Variants in RNF130 observed in about 807,000 individuals in gnomAD.
RNF130 encodes the protein ring finger protein 130, also known as E3 ubiquitin-protein ligase RNF130.
A neutral mutation model predicts 44.6 loss-of-function variants in RNF130; 21 were observed. The ratio of observed to expected loss-of-function variants is 0.47; its 90% CI spans 0.33 to 0.68. The LOEUF (loss-of-function observed/expected upper bound fraction) is 0.68, where lower values mean the gene tolerates loss of function less well. Among genes scored for constraint, RNF130 ranks in the 30% least tolerant of loss-of-function variants. The pLI, the probability that RNF130 is intolerant of heterozygous loss-of-function variation, is 0.02. For missense variants in RNF130, 479 were observed against 560.6 expected (o/e 0.85, Z 1.47); for synonymous variants, 214 against 210.4 (o/e 1.02, Z -0.15).
chr5:179,958,518 G>A (rs1447366698), intron 8 of RNF130, among the ~76,000 whole-genome samples: 1 of 152,150 alleles, frequency 6.6e-6, no homozygotes, highest in Non-Finnish European at 1.5e-5. Flanking sequence ...CAATTCAAGA[G>A]GGACCCTCAG....
At position 179,955,408 on chromosome 5, in the gene RNF130, C is replaced by A. The variant is rs549610547; in HGVS notation, c.*246G>T. The A allele has an allele frequency of 7.3e-6, 3 of 412,108 alleles. No individual in the cohort carries two copies. Among genetic ancestry groups the A allele is most frequent in the Non-Finnish European group, 1.3e-5 (3 of 227,482 alleles). The allele number at this position is 412,108 out of a possible 1,614,324, so 25.5% of individuals were successfully genotyped here. ...TCTGTCTCTGAAACACAAACAAATG[C>A]AATCTGGGTCTGCGAGCTTCAAATC... On this transcript the variant is annotated 3_prime_UTR_variant, in exon 9 of 9. Transcript: ENST00000521389.
intron 1 of RNF130, among the ~76,000 whole-genome samples, chr5:180,049,878 T>A (rs1415281979): frequency 6.6e-6 from 1 of 152,140 alleles, no homozygotes; most frequent in Non-Finnish European, 1.5e-5. Context: ...CTTTTCCTCA[T>A]CTATATATTC....
At chr5:180,057,347 G>C (rs1764855064) in intron 1 of RNF130, among the ~76,000 whole-genome samples, 1 of 152,192 alleles carries the variant, frequency 6.6e-6, no homozygotes, top group Non-Finnish European at 1.5e-5. Flanking sequence ...TCAGGAGTTT[G>C]AGACCAGCCT....
intron 7 of RNF130, among the ~76,000 whole-genome samples, chr5:179,926,929 C>T (rs1208178441): frequency 6.6e-6 from 1 of 152,228 alleles, no homozygotes. Context: ...GAACTGCTTG[C>T]TTACTTCGTG....
At chr5:180,047,618 C>T (rs1356162064) in intron 1 of RNF130, among the ~76,000 whole-genome samples, 13 of 152,062 alleles carry the variant, frequency 8.5e-5, no homozygotes, top group Admixed American at 7.2e-4. Flanking sequence ...GGTGTGTAGG[C>T]CTGTAATCCT....
At chr5:180,004,155 T>A (rs1176619987) in intron 3 of RNF130, among the ~76,000 whole-genome samples, 1 of 152,184 alleles carries the variant, frequency 6.6e-6, no homozygotes, top group East Asian at 1.9e-4. Flanking sequence ...TTTTAAAAAG[T>A]GCTCCAGCCC....
In RNF130 at chr5:180,008,185, G is replaced by A. The variant is rs190882291; in HGVS notation, c.693+4876C>T. Among the ~76,000 whole-genome samples the A allele has an allele frequency of 6.6e-5, 10 of 151,666 alleles. No homozygotes were observed. The East Asian group carries it at 1.6e-3, about 24-fold the overall frequency. On this transcript the variant is annotated intron_variant, in intron 3 of 8. Transcript: ENST00000521389. The stretch of plus-strand genomic sequence containing the variant: ...ACAGGACCAGAGCAGCCCACCACCC[G>A]ACCCCAGAAAAAGCCGAGAAAAGCC...
chr5:180,015,379 A>G, intron 2 of RNF130: 1 of 532,980 alleles, frequency 1.9e-6, no homozygotes, highest in South Asian at 1.4e-5. Flanking sequence ...TCATTGCTTT[A>G]TAATCACACC....
At chr5:180,071,064 CT>C (rs1267405897) in intron 1 of RNF130, among the ~76,000 whole-genome samples, 1 of 152,042 alleles carries the variant, frequency 6.6e-6, no homozygotes, top group African/African-American at 2.4e-5. Flanking sequence ...CTAGCGCAGC[CT>C]TAAGTCCGTG....
At chr5:180,034,126 A>T (rs1764196437) in intron 2 of RNF130, among the ~76,000 whole-genome samples, 1 of 148,080 alleles carries the variant, frequency 6.8e-6, no homozygotes, top group Admixed American at 6.7e-5. Context: ...GGGTACTGAG[A>T]TTTTGTCAAA....
rs1762761515 is a variant in RNF130 at position 179,978,270 on chromosome 5, A to C, written c.781T>G (p.Phe261Val). The C allele has an allele frequency of 6.2e-7, 1 of 1,613,746 alleles. No homozygotes were observed. The highest frequency in any genetic ancestry group is 8.5e-7 in the Non-Finnish European group (1 of 1,179,730). The change falls in exon 5 of 9, where the codon TTT (phenylalanine) becomes GTT (valine). Residue 261 changes from phenylalanine (F) to valine (V), a missense_variant. This residue lies in a region of RNF130 where 180 missense variants were observed against 275.1 expected (regional missense o/e 0.65). Transcript: ENST00000521389. ...TCTATGCAGACTGCACAATGATCAAAGTCTGGGTCAGTTTCCTAAAATGAA... is the reference window on the plus strand; with the variant it reads ...TCTATGCAGACTGCACAATGATCAACGTCTGGGTCAGTTTCCTAAAATGAA... Reference protein sequence around the residue: ...KKGDKETDPDFDHCAVCIESY... With the variant: ...KKGDKETDPDVDHCAVCIESY...
At chr5:180,038,101 C>T (rs974761535) in intron 2 of RNF130, among the ~76,000 whole-genome samples, 7 of 152,082 alleles carry the variant, frequency 4.6e-5, no homozygotes, top group South Asian at 2.1e-4. Context: ...TTGTCCAGGA[C>T]GCAGTGCAGT....
intron 1 of RNF130, among the ~76,000 whole-genome samples, chr5:180,048,434 G>A (rs1433924890): frequency 3.9e-5 from 6 of 152,076 alleles, no homozygotes; most frequent in East Asian, 1.9e-4. Flanking sequence ...ACTCACATAG[G>A]AAGAACCAGT....
chr5:179,970,492 T>C lies in RNF130; in HGVS notation c.863A>G (p.Lys288Arg). Residue 288 changes from lysine (K) to arginine (R), a missense_variant, in exon 6 of 9, where the codon AAA becomes AGA. Coordinates refer to ENST00000521389, the MANE Select transcript of RNF130 (RefSeq NM_018434.6). ...RILPCKHVFH[K>R]SCVDPWLSEH... ...ACTAAGCCAGGGATCCACGCAGGAT[T>C]TGTGGAAAACATGCCTATAAAATAA... The C allele has an allele frequency of 2.5e-6, 4 of 1,612,580 alleles. 1 individual carries two copies. Among genetic ancestry groups the C allele is most frequent in the Non-Finnish European group, 3.4e-6 (4 of 1,179,108 alleles).
At chr5:179,992,808 T>A (rs933131989) in intron 3 of RNF130, among the ~76,000 whole-genome samples, 2 of 152,172 alleles carry the variant, frequency 1.3e-5, no homozygotes, top group African/African-American at 2.4e-5. Flanking sequence ...ATGTGCCATG[T>A]TGGTGTGCTG....
intron 2 of RNF130, among the ~76,000 whole-genome samples, chr5:180,032,325 C>G (rs1764148338): frequency 6.6e-6 from 1 of 152,088 alleles, no homozygotes; most frequent in South Asian, 2.1e-4. Context: ...TGTCTAATAT[C>G]CAAGTGAAGT....
intron 3 of RNF130, among the ~76,000 whole-genome samples, chr5:179,991,397 GAGTTA>G (rs1341851743): frequency 2.6e-5 from 4 of 152,260 alleles, no homozygotes; most frequent in Admixed American, 1.3e-4. Flanking sequence ...CTTGCTAAAC[GAGTTA>G]AGTTGTTTTC....
chr5:180,043,567 C>T (rs538963137), intron 1 of RNF130, among the ~76,000 whole-genome samples: 4 of 152,118 alleles, frequency 2.6e-5, no homozygotes, highest in South Asian at 4.2e-4. Context: ...GTGTCACAGT[C>T]CACTCAGAAG....
At chr5:180,048,282 A>T (rs1764614975) in intron 1 of RNF130, among the ~76,000 whole-genome samples, 1 of 152,142 alleles carries the variant, frequency 6.6e-6, no homozygotes, top group South Asian at 2.1e-4. Context: ...CACGGAAGGG[A>T]GTCTGTAGTC....
Sources: gnomAD v4.1 joint callset for allele counts (sites outside exome capture counted in the v4.1 genomes callset) on GRCh38, gnomAD v4.1.1 for gene constraint, gnomAD v4.1.1 regional missense constraint, MANE v1.5 for transcripts, NCBI Gene and HGNC (gene_info 2026-07-23, HGNC 2026-07-21) for gene names.